CRY1: variants seen among roughly 807,000 people sequenced by gnomAD.
CRY1 encodes cryptochrome circadian regulator 1.
In CRY1, 45 loss-of-function variants were observed where a neutral mutation model predicts 76.0. That is an observed-to-expected ratio of 0.59 (90% CI 0.47 to 0.76). The LOEUF (loss-of-function observed/expected upper bound fraction) is 0.76, where lower values mean the gene tolerates loss of function less well. Ranked by LOEUF, CRY1 falls within the 30% of genes least tolerant of loss-of-function variation. The pLI is 0.00. For missense variants in CRY1, 587 were observed against 716.4 expected (o/e 0.82, Z 2.06); for synonymous variants, 248 against 244.0 (o/e 1.02, Z -0.15).
At chr12:107,088,794 G>A (rs910483897) in intron 1 of CRY1, among the ~76,000 whole-genome samples, 4 of 152,228 alleles carry the variant, frequency 2.6e-5, no homozygotes, top group Non-Finnish European at 5.9e-5. Flanking sequence ...TCAGAATACT[G>A]CTAATCATCC....
chr12:107,071,055 T>C (rs1953185691), intron 1 of CRY1, among the ~76,000 whole-genome samples: 2 of 152,090 alleles, frequency 1.3e-5, no homozygotes, highest in African/African-American at 4.8e-5. Flanking sequence ...CCTAGATATT[T>C]TGGGATATAA....
intron 1 of CRY1, among the ~76,000 whole-genome samples, chr12:107,089,913 G>A (rs1953450460): frequency 6.6e-6 from 1 of 152,134 alleles, no homozygotes; most frequent in Non-Finnish European, 1.5e-5. Flanking sequence ...GGTACTATGA[G>A]TGATTCCAAA....
chr12:106,999,578 C>G lies in CRY1; in HGVS notation c.1110G>C (p.Leu370=), dbSNP rs755686750. ...TCATTCCTTCTTCCCAACTAATCCA[C>G]AGGTCCCCTCGTGTCAGGAAGCAAG... ...AVACFLTRGD[L]WISWEEGMKV... Residue 370 remains leucine (L), a synonymous_variant, in exon 7 of 13, where the codon CTG becomes CTC. Coordinates refer to ENST00000008527, the MANE Select transcript of CRY1 (RefSeq NM_004075.5). 1.9e-6 allele frequency: 3 copies of G among 1,613,578 alleles called. No individual in the cohort carries two copies. The highest frequency in any genetic ancestry group is 2.5e-6 in the Non-Finnish European group (3 of 1,179,772).
intron 1 of CRY1, among the ~76,000 whole-genome samples, chr12:107,025,482 C>T (rs1262969570): frequency 6.6e-6 from 1 of 152,102 alleles, no homozygotes; most frequent in Non-Finnish European, 1.5e-5. Context: ...AGTAATCGGA[C>T]CTGTCTCATA....
chr12:107,004,826 G>A (rs1046141251), intron 3 of CRY1, among the ~76,000 whole-genome samples: 4 of 152,136 alleles, frequency 2.6e-5, no homozygotes, highest in Admixed American at 6.6e-5. Context: ...AGTAGTCAAG[G>A]AAAATTCTGT....
intron 1 of CRY1, among the ~76,000 whole-genome samples, chr12:107,065,168 C>T (rs937837461): frequency 1.7e-4 from 26 of 152,114 alleles, no homozygotes; most frequent in African/African-American, 5.1e-4. Flanking sequence ...TGGTGGCACG[C>T]GTCTGCAATT....
chr12:107,060,089 T>C (rs1953029376), intron 1 of CRY1, among the ~76,000 whole-genome samples: 1 of 152,248 alleles, frequency 6.6e-6, no homozygotes, highest in South Asian at 2.1e-4. Flanking sequence ...TGCGTTGATA[T>C]TAATATACAT....
At chr12:107,009,864 T>G (rs1182125472) in intron 2 of CRY1, among the ~76,000 whole-genome samples, 5 of 151,960 alleles carry the variant, frequency 3.3e-5, no homozygotes, top group Non-Finnish European at 7.4e-5. Context: ...AAACTTTCCT[T>G]GTCAGGTTGT....
At chr12:107,004,299 A>G (rs978345188) in intron 3 of CRY1, among the ~76,000 whole-genome samples, 1 of 152,228 alleles carries the variant, frequency 6.6e-6, no homozygotes, top group African/African-American at 2.4e-5. Context: ...ATTTTTTGAT[A>G]CATTTAAAAT....
chr12:106,997,757 A>G (rs1446499989), intron 8 of CRY1, 67 bp from the exon 9 acceptor site: 3 of 1,572,642 alleles, frequency 1.9e-6, no homozygotes, highest in Non-Finnish European at 2.6e-6. Flanking sequence ...ACTAGCTATG[A>G]CAGACCAAAA....
chr12:107,004,057 G>A (rs1203315520), intron 3 of CRY1, among the ~76,000 whole-genome samples: 8 of 151,868 alleles, frequency 5.3e-5, no homozygotes, highest in Admixed American at 4.6e-4. Context: ...CATCTGCCTC[G>A]GCCTCCCAAA....
chr12:106,993,770 T>C (rs192088693), intron 10 of CRY1, among the ~76,000 whole-genome samples: 12 of 152,242 alleles, frequency 7.9e-5, no homozygotes, highest in Admixed American at 3.3e-4. Context: ...TATGAAGTAC[T>C]ATCCCATAGT....
At chr12:107,070,204 T>C (rs1953172101) in intron 1 of CRY1, among the ~76,000 whole-genome samples, 1 of 152,172 alleles carries the variant, frequency 6.6e-6, no homozygotes, top group Non-Finnish European at 1.5e-5. Context: ...ATTTGTGGTG[T>C]CAGGAAACTA....
intron 3 of CRY1, among the ~76,000 whole-genome samples, chr12:107,002,335 C>T (rs1220216231): frequency 6.6e-6 from 1 of 152,066 alleles, no homozygotes; most frequent in Non-Finnish European, 1.5e-5. Flanking sequence ...GAATCTCAAT[C>T]ATCAATAAAA....
chr12:107,039,809 G>A (rs1952778002), intron 1 of CRY1, among the ~76,000 whole-genome samples: 2 of 152,044 alleles, frequency 1.3e-5, no homozygotes, highest in African/African-American at 4.8e-5. Context: ...CTCAACTCAA[G>A]GTTTTTATCC....
intron 2 of CRY1, among the ~76,000 whole-genome samples, chr12:107,006,638 C>CGTTTTT (rs71076707): frequency 6.8e-4 from 93 of 137,052 alleles, no homozygotes; most frequent in African/African-American, 2.0e-3. Flanking sequence ...TATTAGTAAT[C>CGTTTTT]TTTTTTTTTT....
intron 1 of CRY1, among the ~76,000 whole-genome samples, chr12:107,082,803 AC>A (rs1175375391): frequency 5.9e-5 from 9 of 152,236 alleles, no homozygotes; most frequent in African/African-American, 7.2e-5. Flanking sequence ...GCAAAAGCAA[AC>A]AAATTCAAAA....
At position 107,086,067 on chromosome 12, in the gene CRY1, C is replaced by CA. The variant is rs201756495; in HGVS notation, c.158+6736dup. Among the ~76,000 whole-genome samples, 1,045 of 152,150 alleles carry CA rather than the reference C, an allele frequency of 6.9e-3. 18 individuals are homozygous for CA. Among genetic ancestry groups the CA allele is most frequent in the African/African-American group, 0.024 (1,002 of 41,516 alleles). On this transcript the variant is annotated intron_variant, in intron 1 of 12. Coordinates refer to ENST00000008527, the MANE Select transcript of CRY1 (RefSeq NM_004075.5). ...CCACATTATATGTTATGCTTGTTAA[C>CA]AAAAAACTTGGCTACATTGTATCCA...
At position 107,022,113 on chromosome 12, in the gene CRY1, G is replaced by A; in HGVS notation, c.238C>T (p.Pro80Ser). 6.2e-7 allele frequency: 1 copy of A among 1,604,494 alleles called. No individual in the cohort carries two copies. Among genetic ancestry groups the A allele is most frequent in the Non-Finnish European group, 8.5e-7 (1 of 1,175,182 alleles). The change falls in exon 2 of 13, where the codon CCA becomes TCA. Residue 80 changes from proline to serine, a missense_variant. Pro to Ser is a moderately conservative substitution (Grantham distance 74). Transcript: ENST00000008527. ...NSRLFVIRGQ[P>S]ADVFPRLFKE... ...AAAAGCCTGGGAAACACATCTGCTG[G>A]TTGTCCACGAATCACAAACAGACGG...
Sources: gnomAD v4.1 joint callset for allele counts (sites outside exome capture counted in the v4.1 genomes callset) on GRCh38, gnomAD v4.1.1 for gene constraint, MANE v1.5 for transcripts, NCBI Gene and HGNC (gene_info 2026-07-23, HGNC 2026-07-21) for gene names.